The following FARS2 variants were observed in gnomAD, a reference collection of about 807,000 sequenced individuals.
FARS2 encodes phenylalanine--tRNA ligase, mitochondrial.
Under a neutral mutation model 46.4 loss-of-function variants are expected in FARS2, and 40 were observed. The ratio of observed to expected loss-of-function variants is 0.86; its 90% CI spans 0.67 to 1.12. The LOEUF (loss-of-function observed/expected upper bound fraction) is 1.12. Among genes scored for constraint, FARS2 ranks in the 50% most tolerant of loss-of-function variants. The pLI, the probability that FARS2 is intolerant of heterozygous loss-of-function variation, is 0.00. For missense variants in FARS2, 513 were observed against 567.9 expected (o/e 0.90, Z 0.98); for synonymous variants, 234 against 214.9 (o/e 1.09, Z -0.78).
chr6:5,712,718 C>T (rs1759254996), intron 6 of FARS2, among the ~76,000 whole-genome samples: 1 of 152,228 alleles, frequency 6.6e-6, no homozygotes, highest in South Asian at 2.1e-4. Flanking sequence ...TTCCAGCTCC[C>T]TCCCCACCTG....
chr6:5,363,776 T>C (rs1758469776), intron 1 of FARS2, among the ~76,000 whole-genome samples: 1 of 152,184 alleles, frequency 6.6e-6, no homozygotes, highest in African/African-American at 2.4e-5. Context: ...ACTCCTTACA[T>C]CCCCTTCCCT....
chr6:5,338,455 T>C (rs1771315697), intron 1 of FARS2, among the ~76,000 whole-genome samples: 1 of 152,180 alleles, frequency 6.6e-6, no homozygotes, highest in Admixed American at 6.5e-5. Context: ...GCAAAGCCTT[T>C]CAAATGCCCC....
intron 1 of FARS2, among the ~76,000 whole-genome samples, chr6:5,364,837 G>T (rs189109720): frequency 5.3e-5 from 8 of 152,266 alleles, no homozygotes; most frequent in African/African-American, 1.9e-4. Flanking sequence ...TTTGAGACCA[G>T]CCTGGGCAAT....
At position 5,311,966 on chromosome 6, in the gene FARS2, G is replaced by A. The variant is rs922018931; in HGVS notation, c.-22+50306G>A. Among the ~76,000 whole-genome samples the A allele has an allele frequency of 2.0e-5, 3 of 152,098 alleles. No homozygotes were observed. The highest frequency in any genetic ancestry group is 6.5e-5 in the Admixed American group (1 of 15,268). ...TGTAAGTTAGTTTAAATAACTTTCC[G>A]TGCATCGTAGAATCTTCGGTGTGTT... On this transcript the variant is annotated intron_variant, in intron 1 of 6. Coordinates refer to ENST00000274680, the MANE Select transcript of FARS2 (RefSeq NM_006567.5). The surrounding 1 kb of genome is among the most constrained non-coding windows in gnomAD (Gnocchi z 4.1).
At chr6:5,487,797 G>A (rs1041475095) in intron 4 of FARS2, among the ~76,000 whole-genome samples, 2 of 152,068 alleles carry the variant, frequency 1.3e-5, no homozygotes, top group Non-Finnish European at 2.9e-5. Context: ...GACATACCGT[G>A]GTTTTTTTAG....
chr6:5,604,827 T>C (rs1774739140), intron 5 of FARS2, among the ~76,000 whole-genome samples: 1 of 152,220 alleles, frequency 6.6e-6, no homozygotes, highest in Admixed American at 6.5e-5. Flanking sequence ...GTATTTGAAC[T>C]GCATGACACA....
At chr6:5,289,871 A>G (rs1767381809) in intron 1 of FARS2, among the ~76,000 whole-genome samples, 1 of 152,224 alleles carries the variant, frequency 6.6e-6, no homozygotes, top group Non-Finnish European at 1.5e-5. Flanking sequence ...ATTTAGTTGT[A>G]GGAAGTCAGT....
chr6:5,681,235 A>G (rs1238615598), intron 6 of FARS2, among the ~76,000 whole-genome samples: 2 of 152,066 alleles, frequency 1.3e-5, no homozygotes, highest in African/African-American at 2.4e-5. Context: ...CAAATACATT[A>G]TAGTTTATTC....
intron 5 of FARS2, chr6:5,609,715 G>A (rs752324220): frequency 1.2e-4 from 179 of 1,473,600 alleles, no homozygotes; most frequent in Non-Finnish European, 1.4e-4. Context: ...TCTTATCCAC[G>A]GAGTCATGGT....
chr6:5,652,976 G>T lies in FARS2; in HGVS notation c.1217+39656G>T, dbSNP rs144507425. ...TTGAAAGGCAGAGTTTGGGGCTTGT[G>T]TGTATGCAGGAGAGAGAGACAAAGT... On this transcript the variant is annotated intron_variant, in intron 6 of 6. Transcript: ENST00000274680. Among the ~76,000 whole-genome samples, 970 of 152,314 alleles carry T rather than the reference G, an allele frequency of 6.4e-3. 8 individuals carry two copies. The highest frequency in any genetic ancestry group is 0.022 in the African/African-American group (926 of 41,564).
intron 1 of FARS2, among the ~76,000 whole-genome samples, chr6:5,367,376 A>G (rs1415684408): frequency 6.6e-6 from 1 of 152,040 alleles, no homozygotes; most frequent in Non-Finnish European, 1.5e-5. Flanking sequence ...TAAGTTTGTG[A>G]ATGTAAATTA....
chr6:5,428,083 G>A (rs1762950436), intron 3 of FARS2, among the ~76,000 whole-genome samples: 1 of 152,208 alleles, frequency 6.6e-6, no homozygotes, highest in Non-Finnish European at 1.5e-5. Context: ...CTGCGGAGAC[G>A]CGGCTTCCTA....
At chr6:5,450,816 C>G (rs988677509) in intron 4 of FARS2, among the ~76,000 whole-genome samples, 2 of 152,066 alleles carry the variant, frequency 1.3e-5, no homozygotes, top group Non-Finnish European at 2.9e-5. Flanking sequence ...GGTTTCCCTC[C>G]TCCAGTCTGC....
intron 6 of FARS2, among the ~76,000 whole-genome samples, chr6:5,759,484 C>A (rs1023481253): frequency 8.5e-5 from 13 of 152,090 alleles, no homozygotes; most frequent in Admixed American, 6.5e-5. Flanking sequence ...CAGTACCCAG[C>A]AGAATACATG....
At chr6:5,422,881 T>C (rs116602695) in intron 3 of FARS2, among the ~76,000 whole-genome samples, 1 of 152,216 alleles carries the variant, frequency 6.6e-6, no homozygotes. Flanking sequence ...TGAGTGTTAA[T>C]GAGCTGCTAG....
At chr6:5,432,338 A>ATATAT (rs1763236114) in intron 4 of FARS2, among the ~76,000 whole-genome samples, 1 of 42,100 alleles carries the variant, frequency 2.4e-5, no homozygotes, top group Non-Finnish European at 4.6e-5. Context: ...ATATATATAT[A>ATATAT]TATATATATA....
At chr6:5,511,675 T>C (rs1582314139) in intron 4 of FARS2, among the ~76,000 whole-genome samples, 1 of 152,162 alleles carries the variant, frequency 6.6e-6, no homozygotes, top group South Asian at 2.1e-4. Context: ...AGGAAAAGGG[T>C]CATTTCGTAG....
chr6:5,278,288 T>C (rs1766478954), intron 1 of FARS2, among the ~76,000 whole-genome samples: 1 of 152,202 alleles, frequency 6.6e-6, no homozygotes, highest in Non-Finnish European at 1.5e-5. Context: ...CAGAACATAT[T>C]CTCATTAGTG....
At chr6:5,290,508 A>G (rs1383252386) in intron 1 of FARS2, among the ~76,000 whole-genome samples, 2 of 152,246 alleles carry the variant, frequency 1.3e-5, no homozygotes, top group African/African-American at 4.8e-5. Flanking sequence ...AAGACAGCCT[A>G]TATTAAATAA....
Sources: allele counts gnomAD v4.1 joint callset (sites outside exome capture counted in the v4.1 genomes callset), GRCh38; gene constraint gnomAD v4.1.1; non-coding constraint Gnocchi (gnomAD v3.1); transcripts MANE v1.5; gene names NCBI Gene and HGNC (gene_info 2026-07-23, HGNC 2026-07-21).